ABHD2: variants seen among roughly 807,000 people sequenced by gnomAD.
ABHD2 encodes abhydrolase domain containing 2, acylglycerol lipase.
A neutral mutation model predicts 48.1 loss-of-function variants in ABHD2; 20 were observed. The observed-to-expected ratio is 0.42, with a 90% CI of 0.29 to 0.60. ABHD2 has a LOEUF of 0.60. Ranked by LOEUF, ABHD2 falls within the 20% of genes least tolerant of loss-of-function variation. The pLI is 0.24. For synonymous variants in ABHD2, 209 were observed against 214.2 expected (o/e 0.98, Z 0.21); for missense variants, 405 against 550.9 (o/e 0.74, Z 2.65).
chr15:89,041,869 G>A, the ABHD2 span, among the ~76,000 whole-genome samples: 1 of 152,108 alleles, frequency 6.6e-6, no homozygotes, highest in Non-Finnish European at 1.5e-5. Context: ...CTGAGACCTG[G>A]AAGGGCATAA....
In ABHD2 at chr15:89,094,986, C is replaced by A. The variant is rs545704235; in HGVS notation, c.-107+6423C>A. Among the ~76,000 whole-genome samples the A allele has an allele frequency of 2.0e-5, 3 of 150,984 alleles. No individual in the cohort carries two copies. Among genetic ancestry groups the A allele is most frequent in the Admixed American group, 2.0e-4 (3 of 15,152 alleles). On this transcript the variant is annotated intron_variant, in intron 1 of 10. Transcript: ENST00000352732. This position sits in a 1 kb window ranked among gnomAD's most constrained non-coding sequence, Gnocchi z 4.7. ...AGCTGAAGCAGGAGAATCACTTGAA[C>A]CCGGGAGGCAGAGGTTCCGGTGAGC...
the ABHD2 span, among the ~76,000 whole-genome samples, chr15:89,051,430 C>T: frequency 6.6e-6 from 1 of 152,140 alleles, no homozygotes; most frequent in Non-Finnish European, 1.5e-5. Context: ...CCAGGTAAAA[C>T]AAGATGAACA....
intron 5 of ABHD2, among the ~76,000 whole-genome samples, chr15:89,170,245 G>A (rs1166592520): frequency 2.0e-5 from 3 of 151,666 alleles, no homozygotes; most frequent in South Asian, 4.2e-4. Flanking sequence ...ACAGGCACGT[G>A]TCACCACTGC....
At chr15:89,054,155 C>G in the ABHD2 span, among the ~76,000 whole-genome samples, 1 of 151,960 alleles carries the variant, frequency 6.6e-6, no homozygotes, top group South Asian at 2.1e-4. Flanking sequence ...AACCCCGTCT[C>G]TACTAAAAAT....
At chr15:89,133,078 G>C (rs901238775) in intron 3 of ABHD2, among the ~76,000 whole-genome samples, 2 of 152,116 alleles carry the variant, frequency 1.3e-5, no homozygotes, top group African/African-American at 4.8e-5. Flanking sequence ...AAGAAGCCTG[G>C]CTGCATTTCC....
intron 3 of ABHD2, among the ~76,000 whole-genome samples, chr15:89,143,789 G>A (rs1000709497): frequency 5.3e-5 from 8 of 151,998 alleles, no homozygotes; most frequent in Non-Finnish European, 1.0e-4. Flanking sequence ...AAGATCATTA[G>A]TCATAAAGGA....
rs2051470926 is a variant in ABHD2, at chr15:89,202,012, G to A, written c.*6589G>A. 2 of 425,372 alleles carry A rather than the reference G, an allele frequency of 4.7e-6. No individual in the cohort carries two copies. The highest frequency in any genetic ancestry group is 3.0e-5 in the South Asian group (1 of 33,130). The allele number at this position is 425,372 out of a possible 1,614,324, so 26.3% of individuals were successfully genotyped here. ...TCTGATTTTGTTTTGTTTTGTTTGGGTTTTCTGAAACTTAAAATGCTGCCC... is the reference window on the plus strand; with the variant it reads ...TCTGATTTTGTTTTGTTTTGTTTGGATTTTCTGAAACTTAAAATGCTGCCC... On this transcript the variant is annotated 3_prime_UTR_variant, in exon 11 of 11. Coordinates refer to ENST00000352732, the MANE Select transcript of ABHD2 (RefSeq NM_152924.5).
At chr15:89,135,777 T>A in intron 3 of ABHD2, 1 of 868,512 alleles carries the variant, frequency 1.2e-6, no homozygotes, top group South Asian at 1.3e-5. Context: ...TTATTCCACA[T>A]CTCTCCCAGT....
At chr15:89,133,101 T>G (rs1360168327) in intron 3 of ABHD2, among the ~76,000 whole-genome samples, 2 of 152,182 alleles carry the variant, frequency 1.3e-5, no homozygotes, top group African/African-American at 4.8e-5. Context: ...GAGGTTCTTT[T>G]ATCAGCCAGT....
rs375688536 is a variant in ABHD2, at chr15:89,200,729, G to GA, written c.*5316dup. ...AGGTAAACAAATCTTCTGGTCAAGA[G>GA]AAAAAAAAAAGAAATAGCACTCTGC... On this transcript the variant is annotated 3_prime_UTR_variant, in exon 11 of 11. Coordinates refer to ENST00000352732, the MANE Select transcript of ABHD2 (RefSeq NM_152924.5). 7,363 of 218,958 alleles carry GA rather than the reference G, an allele frequency of 0.034. 487 individuals carry two copies. Among genetic ancestry groups the GA allele is most frequent in the African/African-American group, 0.15 (6,343 of 42,250 alleles). 13.6% of individuals were successfully genotyped at this position (218,958 alleles called of 1,614,324 possible).
At chr15:89,046,475 C>T in the ABHD2 span, among the ~76,000 whole-genome samples, 1 of 151,666 alleles carries the variant, frequency 6.6e-6, no homozygotes, top group Non-Finnish European at 1.5e-5. Context: ...AGGAATGGTA[C>T]CAGTTCCTCC....
rs920411044 is a variant in ABHD2 at position 89,116,080 on chromosome 15, T to C, written c.-6-242T>C. On this transcript the variant is annotated intron_variant, in intron 2 of 10. Transcript: ENST00000352732. This position sits in a 1 kb window ranked among gnomAD's most constrained non-coding sequence, Gnocchi z 4.6. ...CATCTTAGAAATGCTTGTGAAATTA[T>C]AAAAAGAAAACACAGTACCCAGTTT... Among the ~76,000 whole-genome samples, 3 of 152,234 alleles carry C rather than the reference T, an allele frequency of 2.0e-5. No homozygotes were observed. The highest frequency in any genetic ancestry group is 4.4e-5 in the Non-Finnish European group (3 of 68,038).
At position 89,137,723 on chromosome 15, in the gene ABHD2, A is replaced by G. The variant is rs1002906060; in HGVS notation, c.195-13954A>G. ...TGTGGAGAAGAATTTGCCTCCAGTGAGGGGAAAATGCTGTGTTCAAAGTGG... is the reference window on the plus strand; with the variant it reads ...TGTGGAGAAGAATTTGCCTCCAGTGGGGGGAAAATGCTGTGTTCAAAGTGG... On this transcript the variant is annotated intron_variant, in intron 3 of 10. Transcript: ENST00000352732. The surrounding 1 kb of genome is among the most constrained non-coding windows in gnomAD (Gnocchi z 4.8). Among the ~76,000 whole-genome samples the G allele has an allele frequency of 6.6e-6, 1 of 152,214 alleles. No individual in the cohort carries two copies. The highest frequency in any genetic ancestry group is 2.4e-5 in the African/African-American group (1 of 41,454).
chr15:89,162,354 G>A (rs936155105), intron 5 of ABHD2, among the ~76,000 whole-genome samples: 5 of 152,052 alleles, frequency 3.3e-5, no homozygotes, highest in African/African-American at 1.2e-4. Flanking sequence ...TTGGCTGATA[G>A]GTCTCTTATG....
chr15:89,139,408 G>A (rs971216145), intron 3 of ABHD2, among the ~76,000 whole-genome samples: 1 of 151,970 alleles, frequency 6.6e-6, no homozygotes, highest in Admixed American at 6.6e-5. Context: ...ATTGCCCACC[G>A]CTCCTGTCTG....
In ABHD2 at chr15:89,091,386, A is replaced by T. The variant is rs1596054077; in HGVS notation, c.-107+2823A>T. The stretch of plus-strand genomic sequence containing the variant: ...TCGGTTTTTGTTTAAGCTGTTCTAG[A>T]GATCAGCCATTTTAGAATAATAGTT... On this transcript the variant is annotated intron_variant, in intron 1 of 10. Transcript: ENST00000352732. The surrounding 1 kb of genome is among the most constrained non-coding windows in gnomAD (Gnocchi z 5.5). Among the ~76,000 whole-genome samples, 1 of 152,314 alleles carries T rather than the reference A, an allele frequency of 6.6e-6. No homozygotes were observed. Among genetic ancestry groups the T allele is most frequent in the East Asian group, 1.9e-4 (1 of 5,192 alleles).
chr15:89,063,152 G>A, the ABHD2 span, among the ~76,000 whole-genome samples: 1 of 151,974 alleles, frequency 6.6e-6, no homozygotes, highest in Admixed American at 6.6e-5. Context: ...ATTTTTAGTA[G>A]AGATGGGGTT....
intron 1 of ABHD2, among the ~76,000 whole-genome samples, chr15:89,111,047 C>T (rs779032117): frequency 3.3e-5 from 5 of 152,118 alleles, no homozygotes; most frequent in Non-Finnish European, 5.9e-5. Context: ...GACTGGGTTT[C>T]CCTTTTCCCC....
Position 89,201,435 on chromosome 15 carries a change from G to T in ABHD2, c.*6012G>T. The T allele has an allele frequency of 7.6e-7, 1 of 1,323,968 alleles. No individual in the cohort carries two copies. The highest frequency in any genetic ancestry group is 1.1e-6 in the Non-Finnish European group (1 of 929,534). The allele number at this position is 1,323,968 out of a possible 1,614,324, so 82.0% of individuals were successfully genotyped here. A position where few individuals can be genotyped will look rare whatever the true frequency, so the allele number is the denominator to read the frequency against. ...TCATTTTCATTGGGGATCTCCATTT[G>T]GAATCCATTAATTCATGAGGTTTTG... On this transcript the variant is annotated 3_prime_UTR_variant, in exon 11 of 11. Coordinates refer to ENST00000352732, the MANE Select transcript of ABHD2 (RefSeq NM_152924.5).
Sources: gnomAD v4.1 joint callset for allele counts (sites outside exome capture counted in the v4.1 genomes callset) on GRCh38, gnomAD v4.1.1 for gene constraint, Gnocchi (gnomAD v3.1) non-coding constraint, MANE v1.5 for transcripts, NCBI Gene and HGNC (gene_info 2026-07-23, HGNC 2026-07-21) for gene names.